Variants in VAT1L observed in about 807,000 individuals in gnomAD.
VAT1L encodes putative NADPH-dependent quinone oxidoreductase VAT1L.
In VAT1L, 34 loss-of-function variants were observed where a neutral mutation model predicts 44.1. The observed-to-expected ratio is 0.77, with a 90% CI of 0.59 to 1.03. The LOEUF (loss-of-function observed/expected upper bound fraction) is 1.03. VAT1L is among the 50% of genes least tolerant of loss of function. The pLI, the probability that VAT1L is intolerant of heterozygous loss-of-function variation, is 0.00. For synonymous variants in VAT1L, 253 were observed against 202.2 expected (o/e 1.25, Z -2.13); for missense variants, 615 against 538.8 (o/e 1.14, Z -1.40).
At chr16:77,917,663 A>G (rs1373120491) in intron 7 of VAT1L, among the ~76,000 whole-genome samples, 1 of 152,240 alleles carries the variant, frequency 6.6e-6, no homozygotes, top group African/African-American at 2.4e-5. Flanking sequence ...AGGATGGAGT[A>G]GCGATTAAGA....
intron 7 of VAT1L, among the ~76,000 whole-genome samples, chr16:77,946,276 G>GTTATTTTTTTTTTTTTTT (rs1597114758): frequency 3.0e-5 from 1 of 33,862 alleles, no homozygotes; most frequent in Admixed American, 3.9e-4. Flanking sequence ...TAGGTTACTT[G>GTTATTTTTTTTTTTTTTT]TTCTTTTTTT....
At chr16:77,894,445 G>A (rs922510639) in intron 7 of VAT1L, among the ~76,000 whole-genome samples, 1 of 152,176 alleles carries the variant, frequency 6.6e-6, no homozygotes, top group African/African-American at 2.4e-5. Flanking sequence ...GCCAGCACAA[G>A]CCTCCCACCT....
At chr16:77,928,374 C>T (rs1398753693) in intron 7 of VAT1L, among the ~76,000 whole-genome samples, 3 of 152,194 alleles carry the variant, frequency 2.0e-5, no homozygotes, top group East Asian at 3.8e-4. Flanking sequence ...GCTATTATTT[C>T]TCTCTTATGA....
intron 7 of VAT1L, among the ~76,000 whole-genome samples, chr16:77,914,401 T>C (rs1180148480): frequency 6.6e-6 from 1 of 152,248 alleles, no homozygotes; most frequent in African/African-American, 2.4e-5. Context: ...CTTTCAGTTA[T>C]GTCATTTTGG....
At position 77,853,269 on chromosome 16, in the gene VAT1L, T is replaced by A. The variant is rs554407887; in HGVS notation, c.580-9479T>A. ...TGATCACAGAAGACTGTGTTGGTCA[T>A]GCCCTGATCTACAGGATCCCACACA... On this transcript the variant is annotated intron_variant, in intron 3 of 8. Coordinates refer to ENST00000302536, the MANE Select transcript of VAT1L (RefSeq NM_020927.3). Among the ~76,000 whole-genome samples the A allele has an allele frequency of 4.6e-5, 7 of 152,320 alleles. No individual in the cohort carries two copies. The South Asian group carries it at 1.5e-3, about 32-fold the overall frequency.
intron 7 of VAT1L, among the ~76,000 whole-genome samples, chr16:77,937,114 C>T (rs989511516): frequency 2.6e-5 from 4 of 152,148 alleles, no homozygotes; most frequent in Non-Finnish European, 5.9e-5. Context: ...ATCTCTTAGC[C>T]TCATGATCTG....
chr16:77,927,717 A>C (rs976026460), intron 7 of VAT1L, among the ~76,000 whole-genome samples: 1 of 152,008 alleles, frequency 6.6e-6, no homozygotes, highest in South Asian at 2.1e-4. Context: ...CTCTACTAAA[A>C]AATTAGCCGG....
chr16:77,885,603 G>A (rs747530757), intron 7 of VAT1L, among the ~76,000 whole-genome samples: 8 of 151,752 alleles, frequency 5.3e-5, no homozygotes, highest in South Asian at 2.1e-4. Flanking sequence ...GAGCCATGAC[G>A]CCCCTGAAAA....
In VAT1L at chr16:77,963,356, C is replaced by T. The variant is rs532564333; in HGVS notation, c.1078-8494C>T. On this transcript the variant is annotated intron_variant, in intron 7 of 8. Coordinates refer to ENST00000302536, the MANE Select transcript of VAT1L (RefSeq NM_020927.3). ...AGCTCTACCCTGCTGGCTTTGAAGACGGTGGGAGGGACCTGCAAGCAAAGA... is the reference window on the plus strand; with the variant it reads ...AGCTCTACCCTGCTGGCTTTGAAGATGGTGGGAGGGACCTGCAAGCAAAGA... 2.0e-5 allele frequency among the ~76,000 whole-genome samples: 3 copies of T among 152,150 alleles called. No individual in the cohort carries two copies. In the East Asian group the frequency reaches 5.8e-4, roughly 29 times the overall value.
At chr16:77,862,330 GC>G (rs918662803) in intron 3 of VAT1L, among the ~76,000 whole-genome samples, 15 of 152,020 alleles carry the variant, frequency 9.9e-5, no homozygotes, top group Non-Finnish European at 1.9e-4. Flanking sequence ...CCTTAAAAAG[GC>G]CCCCCGGGCA....
At chr16:77,922,211 GTC>G (rs1242136000) in intron 7 of VAT1L, among the ~76,000 whole-genome samples, 1 of 152,136 alleles carries the variant, frequency 6.6e-6, no homozygotes, top group East Asian at 1.9e-4. Context: ...GTCTGTATGT[GTC>G]TCTGTGTATC....
intron 3 of VAT1L, among the ~76,000 whole-genome samples, chr16:77,845,476 C>T (rs34331487): frequency 6.6e-6 from 1 of 152,154 alleles, no homozygotes. Context: ...CCCTTCCCCG[C>T]CTCACCACCC....
chr16:77,858,577 C>T (rs537826647), intron 3 of VAT1L, among the ~76,000 whole-genome samples: 3 of 152,220 alleles, frequency 2.0e-5, no homozygotes, highest in South Asian at 2.1e-4. Context: ...ATATTTTAGA[C>T]GAGTGAACAG....
At chr16:77,867,369 A>T (rs1882643336) in intron 4 of VAT1L, among the ~76,000 whole-genome samples, 1 of 152,224 alleles carries the variant, frequency 6.6e-6, no homozygotes, top group South Asian at 2.1e-4. Flanking sequence ...CAATAAAGCT[A>T]TTAAAAAAAC....
intron 7 of VAT1L, among the ~76,000 whole-genome samples, chr16:77,959,165 G>C (rs1033408624): frequency 6.6e-6 from 1 of 152,068 alleles, no homozygotes; most frequent in Non-Finnish European, 1.5e-5. Flanking sequence ...TTATTGCAAA[G>C]ACCCAACATG....
Position 77,825,235 on chromosome 16 carries a change from C to T in VAT1L, c.364-11C>T. 16 of 1,613,846 alleles carry T rather than the reference C, an allele frequency of 9.9e-6. No homozygotes were observed. Among genetic ancestry groups the T allele is most frequent in the Non-Finnish European group, 1.4e-5 (16 of 1,179,994 alleles). Reference sequence around the variant, plus strand: ...GTAGCCTCCACTAACTCTGTGTTTCCCCATGCCCAGATTGGAGACCGTGTC... The same window carrying T: ...GTAGCCTCCACTAACTCTGTGTTTCTCCATGCCCAGATTGGAGACCGTGTC... On this transcript the variant is annotated splice_polypyrimidine_tract_variant and intron_variant, in intron 2 of 8. Transcript: ENST00000302536.
At chr16:77,845,859 A>G (rs2016753497) in intron 3 of VAT1L, among the ~76,000 whole-genome samples, 1 of 152,136 alleles carries the variant, frequency 6.6e-6, no homozygotes, top group African/African-American at 2.4e-5. Flanking sequence ...TACCCTTATT[A>G]GATTCATCTA....
In VAT1L at chr16:77,884,010, C is replaced by T. The variant is rs564390220; in HGVS notation, c.883-598C>T. 7.8e-4 allele frequency among the ~76,000 whole-genome samples: 119 copies of T among 152,252 alleles called. 1 individual carries two copies. The highest frequency in any genetic ancestry group is 3.5e-3 in the Admixed American group (53 of 15,294). On this transcript the variant is annotated intron_variant, in intron 6 of 8. Coordinates refer to ENST00000302536, the MANE Select transcript of VAT1L (RefSeq NM_020927.3). This position sits in a 1 kb window ranked among gnomAD's most constrained non-coding sequence, Gnocchi z 4.5. ...ACGTTGTAGAGCCACGATTCAAGTC[C>T]GGAGCTGATGATCCTGACCATGTAC...
intron 3 of VAT1L, among the ~76,000 whole-genome samples, chr16:77,860,651 A>G (rs2016906126): frequency 6.6e-6 from 1 of 152,248 alleles, no homozygotes; most frequent in Non-Finnish European, 1.5e-5. Context: ...ATCTGAGGCC[A>G]GCAAATTTTA....
Sources: gnomAD v4.1 joint callset for allele counts (sites outside exome capture counted in the v4.1 genomes callset) on GRCh38, gnomAD v4.1.1 for gene constraint, Gnocchi (gnomAD v3.1) non-coding constraint, MANE v1.5 for transcripts, NCBI Gene and HGNC (gene_info 2026-07-23, HGNC 2026-07-21) for gene names.